Variants in SUPT3H observed in about 807,000 individuals in gnomAD.
SUPT3H encodes the protein transcription initiation protein SPT3 homolog.
A neutral mutation model predicts 44.3 loss-of-function variants in SUPT3H; 44 were observed. The observed-to-expected ratio is 0.99, with a 90% CI of 0.78 to 1.28. The LOEUF is 1.28. Among genes scored for constraint, SUPT3H ranks in the 50% most tolerant of loss-of-function variants. The pLI is 0.00. For missense variants in SUPT3H, 380 were observed against 387.1 expected, an observed-to-expected ratio of 0.98 and a Z score of 0.15; for synonymous variants, 124 against 125.6, an observed-to-expected ratio of 0.99 and a Z score of 0.09.
chr6:44,937,544 CCAA>C (rs952827400), intron 9 of SUPT3H, among the ~76,000 whole-genome samples: 7 of 150,506 alleles, frequency 4.7e-5, no homozygotes, highest in African/African-American at 1.7e-4. Context: ...ATTTACATTC[CCAA>C]CAACAGTGTA....
At chr6:44,815,548 C>T (rs1481855324) in intron 11 of SUPT3H, among the ~76,000 whole-genome samples, 2 of 152,080 alleles carry the variant, frequency 1.3e-5, no homozygotes, top group African/African-American at 4.8e-5. Flanking sequence ...AGACCAAGTA[C>T]ACTTCAGAAC....
At chr6:45,309,627 T>C (rs1783645725) in intron 2 of SUPT3H, among the ~76,000 whole-genome samples, 1 of 151,636 alleles carries the variant, frequency 6.6e-6, no homozygotes, top group South Asian at 2.1e-4. Context: ...GATATAAATA[T>C]CAACATATAG....
chr6:45,131,117 A>G (rs758829540), intron 2 of SUPT3H, among the ~76,000 whole-genome samples: 25 of 152,162 alleles, frequency 1.6e-4, no homozygotes, highest in Admixed American at 5.9e-4. Context: ...GATCCTGATT[A>G]GATCACTCGC....
intron 6 of SUPT3H, among the ~76,000 whole-genome samples, chr6:44,985,674 T>G (rs1474909845): frequency 1.3e-5 from 2 of 152,198 alleles, no homozygotes; most frequent in African/African-American, 4.8e-5. Flanking sequence ...AAGCATAAAG[T>G]TGGTCTTTGA....
intron 2 of SUPT3H, among the ~76,000 whole-genome samples, chr6:45,300,906 A>G (rs1194367802): frequency 1.3e-5 from 2 of 152,162 alleles, no homozygotes; most frequent in Non-Finnish European, 2.9e-5. Flanking sequence ...TGAGGCAACA[A>G]AACTGTGGGT....
intron 2 of SUPT3H, among the ~76,000 whole-genome samples, chr6:45,196,798 A>G (rs1377763580): frequency 3.3e-5 from 5 of 151,904 alleles, no homozygotes; most frequent in African/African-American, 1.2e-4. Context: ...TTGGTTCCAT[A>G]AAAAGTGTGA....
intron 2 of SUPT3H, among the ~76,000 whole-genome samples, chr6:45,271,733 C>G (rs1370682926): frequency 3.3e-5 from 5 of 152,184 alleles, no homozygotes; most frequent in Admixed American, 1.3e-4. Context: ...ATCCTCTAGA[C>G]CCCAGTATGA....
intron 2 of SUPT3H, among the ~76,000 whole-genome samples, chr6:45,214,015 C>CAAAAAAAAAAAAAAAAAAAAAAAA (rs11418358): frequency 4.0e-5 from 3 of 74,108 alleles, no homozygotes; most frequent in Admixed American, 1.8e-4. Context: ...TTTTGAAATG[C>CAAAAAAAAAAAAAAAAAAAAAAAA]AAAAAAAAAA....
At chr6:44,866,159 AG>A (rs1775477770) in intron 10 of SUPT3H, among the ~76,000 whole-genome samples, 1 of 145,648 alleles carries the variant, frequency 6.9e-6, no homozygotes, top group Non-Finnish European at 1.5e-5. Flanking sequence ...TAAGAGTCAC[AG>A]GGGCAAACTG....
intron 2 of SUPT3H, among the ~76,000 whole-genome samples, chr6:45,146,455 T>A (rs1562549416): frequency 6.6e-6 from 1 of 151,968 alleles, no homozygotes; most frequent in East Asian, 1.9e-4. Flanking sequence ...GGGTAAGGGA[T>A]AAAAGAGTAT....
At chr6:45,157,172 TC>T (rs1479418946) in intron 2 of SUPT3H, among the ~76,000 whole-genome samples, 1 of 152,114 alleles carries the variant, frequency 6.6e-6, no homozygotes, top group Non-Finnish European at 1.5e-5. Context: ...ATATACAACA[TC>T]GTAGAAAAGA....
chr6:44,811,532 G>C (rs942024990), intron 11 of SUPT3H, among the ~76,000 whole-genome samples: 3 of 152,222 alleles, frequency 2.0e-5, no homozygotes, highest in African/African-American at 7.2e-5. Context: ...TTCTGAGTTA[G>C]AGTTGGCCAA....
At chr6:44,935,764 T>C (rs1166281530) in intron 9 of SUPT3H, among the ~76,000 whole-genome samples, 1 of 152,210 alleles carries the variant, frequency 6.6e-6, no homozygotes, top group Admixed American at 6.5e-5. Flanking sequence ...CTCTCTGCTT[T>C]TCTCTGCCGG....
At chr6:44,985,362 C>A (rs1487310686) in intron 6 of SUPT3H, among the ~76,000 whole-genome samples, 5 of 151,758 alleles carry the variant, frequency 3.3e-5, no homozygotes, top group Non-Finnish European at 7.4e-5. Context: ...CCACTGCACT[C>A]CAGCTTGGGT....
At chr6:45,209,798 T>C (rs1763792429) in intron 2 of SUPT3H, among the ~76,000 whole-genome samples, 2 of 152,220 alleles carry the variant, frequency 1.3e-5, no homozygotes, top group Admixed American at 1.3e-4. Context: ...CATCATGTGC[T>C]ATAGAGAAAT....
chr6:44,894,841 T>C (rs1000518570), intron 10 of SUPT3H, among the ~76,000 whole-genome samples: 1 of 151,780 alleles, frequency 6.6e-6, no homozygotes, highest in Non-Finnish European at 1.5e-5. Flanking sequence ...GGCAATAATA[T>C]ATTTTATAAC....
chr6:45,366,725 A>T (rs989203351), intron 1 of SUPT3H, among the ~76,000 whole-genome samples: 1 of 152,156 alleles, frequency 6.6e-6, no homozygotes, highest in African/African-American at 2.4e-5. Context: ...CATCACTACA[A>T]CTACTAGTCA....
chr6:45,075,803 A>C (rs1794934371), intron 3 of SUPT3H, among the ~76,000 whole-genome samples: 1 of 10,552 alleles, frequency 9.5e-5, no homozygotes, highest in South Asian at 2.9e-3. Context: ...AATTCAATTA[A>C]GGGAAAAAAA....
rs186566379 is a variant in SUPT3H, at chr6:45,349,485, G to A, written c.101+15716C>T. Among the ~76,000 whole-genome samples the A allele has an allele frequency of 2.6e-5, 4 of 152,260 alleles. No individual in the cohort carries two copies. In the East Asian group the frequency reaches 5.8e-4, roughly 22 times the overall value. ...GATCACCAACATCAACATCACCTGG[G>A]AATTTATTTGAAAGGCAAATTGCTG... On this transcript the variant is annotated intron_variant, in intron 2 of 10. Transcript: ENST00000371459.
Sources: allele counts gnomAD v4.1 joint callset (sites outside exome capture counted in the v4.1 genomes callset), GRCh38; gene constraint gnomAD v4.1.1; transcripts MANE v1.5; gene names NCBI Gene and HGNC (gene_info 2026-07-23, HGNC 2026-07-21).